PTPRD: variants seen among roughly 807,000 people sequenced by gnomAD.
The protein encoded by PTPRD is receptor-type tyrosine-protein phosphatase delta.
PTPRD carries 34 observed loss-of-function variants against 214.5 expected under a neutral mutation model. That is an observed-to-expected ratio of 0.16 (90% CI 0.12 to 0.21). The LOEUF (loss-of-function observed/expected upper bound fraction) is 0.21. Ranked by LOEUF, PTPRD falls within the 10% of genes least tolerant of loss-of-function variation. The pLI is 1.00. For missense variants in PTPRD, 2,545 were observed against 2,398.7 expected (o/e 1.06, Z -1.27); for synonymous variants, 1,128 against 845.7 (o/e 1.33, Z -5.79).
At chr9:10,173,583 C>T (rs1242337451) in intron 3 of PTPRD, among the ~76,000 whole-genome samples, 1 of 152,066 alleles carries the variant, frequency 6.6e-6, no homozygotes, top group Non-Finnish European at 1.5e-5. Context: ...TTTATCTTAC[C>T]ATTTCCAAAT....
At chr9:9,678,490 T>C (rs2096984790) in intron 7 of PTPRD, among the ~76,000 whole-genome samples, 1 of 151,982 alleles carries the variant, frequency 6.6e-6, no homozygotes, top group African/African-American at 2.4e-5. Context: ...GTTTATGTAA[T>C]TTTTAAGAGC....
In PTPRD at chr9:8,500,892, C is replaced by G. The variant is rs184665510; in HGVS notation, c.1990G>C (p.Gly664Arg). The G allele has an allele frequency of 2.5e-6, 4 of 1,614,068 alleles. No homozygotes were observed. Among genetic ancestry groups the G allele is most frequent in the Non-Finnish European group, 3.4e-6 (4 of 1,179,994 alleles). Residue 664 changes from glycine (G) to arginine (R), a missense_variant, in exon 24 of 46, where the codon GGA becomes CGA. Coordinates refer to ENST00000381196, the MANE Select transcript of PTPRD (RefSeq NM_002839.4). Reference protein sequence around the residue: ...GEDDKPHEILGIPSDTTKYLL... With the variant: ...GEDDKPHEILRIPSDTTKYLL... ...TATTTGGTAGTGTCCGAAGGAATTC[C>G]CAAAATCTCGTGAGGCTTGTCATCT... is the stretch of plus-strand genomic sequence containing the variant.
intron 7 of PTPRD, among the ~76,000 whole-genome samples, chr9:9,587,291 G>A (rs569340091): frequency 3.9e-5 from 6 of 151,920 alleles, no homozygotes; most frequent in Non-Finnish European, 8.8e-5. Flanking sequence ...CACATTACAT[G>A]TGTTTTAGGG....
chr9:9,461,110 G>A (rs1205033413), intron 8 of PTPRD, among the ~76,000 whole-genome samples: 2 of 151,876 alleles, frequency 1.3e-5, no homozygotes, highest in Admixed American at 6.6e-5. Flanking sequence ...ATAAGTGGGA[G>A]CTAAACAATG....
At chr9:9,318,226 A>C (rs1166348840) in intron 9 of PTPRD, among the ~76,000 whole-genome samples, 1 of 146,060 alleles carries the variant, frequency 6.8e-6, no homozygotes, top group Non-Finnish European at 1.5e-5. Context: ...CAAAAAACCA[A>C]AAAAAAAAAA....
chr9:9,390,694 G>A (rs868838801), intron 9 of PTPRD, among the ~76,000 whole-genome samples: 3 of 152,176 alleles, frequency 2.0e-5, no homozygotes, highest in Non-Finnish European at 2.9e-5. Context: ...ATGATCAACT[G>A]AAGCAGACTT....
intron 30 of PTPRD, among the ~76,000 whole-genome samples, chr9:8,476,196 T>G (rs2135322058): frequency 6.6e-6 from 1 of 152,266 alleles, no homozygotes; most frequent in Non-Finnish European, 1.5e-5. Context: ...GGGATGGTTT[T>G]GAGATGAAAC....
intron 9 of PTPRD, among the ~76,000 whole-genome samples, chr9:9,229,087 T>C (rs533113331): frequency 6.6e-6 from 1 of 152,284 alleles, no homozygotes; most frequent in Non-Finnish European, 1.5e-5. Context: ...CCTTTTTGTT[T>C]CCCTGTAACA....
chr9:9,770,540 C>G (rs933219008), intron 5 of PTPRD, among the ~76,000 whole-genome samples: 1 of 152,046 alleles, frequency 6.6e-6, no homozygotes, highest in African/African-American at 2.4e-5. Flanking sequence ...TTTTTTGTCA[C>G]CATTTAATGT....
At chr9:9,653,624 G>A (rs1466747177) in intron 7 of PTPRD, among the ~76,000 whole-genome samples, 4 of 152,216 alleles carry the variant, frequency 2.6e-5, no homozygotes, top group South Asian at 2.1e-4. Flanking sequence ...TGAACAGCAT[G>A]AGGTCCTGTA....
chr9:9,641,407 T>C (rs980396259), intron 7 of PTPRD, among the ~76,000 whole-genome samples: 6 of 152,096 alleles, frequency 3.9e-5, no homozygotes, highest in Non-Finnish European at 8.8e-5. Flanking sequence ...TTTCTTCAAA[T>C]AAGATGATGA....
chr9:8,548,603 A>T (rs1182543971), intron 14 of PTPRD, among the ~76,000 whole-genome samples: 3 of 149,756 alleles, frequency 2.0e-5, no homozygotes, highest in Non-Finnish European at 4.4e-5. Context: ...CCTGACCTCA[A>T]GTGATCCACT....
At chr9:10,445,402 G>A (rs1273739087) in intron 2 of PTPRD, among the ~76,000 whole-genome samples, 1 of 151,920 alleles carries the variant, frequency 6.6e-6, no homozygotes, top group Non-Finnish European at 1.5e-5. Flanking sequence ...GGACATGTCT[G>A]CAATAGGAGC....
intron 39 of PTPRD, among the ~76,000 whole-genome samples, chr9:8,373,860 GTC>G (rs746235283): frequency 0.057 from 4,184 of 72,806 alleles, 111 homozygotes; most frequent in Admixed American, 0.076. Flanking sequence ...GTATGTGTCT[GTC>G]TGTCTATCTA....
intron 9 of PTPRD, among the ~76,000 whole-genome samples, chr9:9,396,428 A>G (rs10977725): frequency 0.079 from 12,044 of 152,128 alleles, 661 homozygotes; most frequent in Non-Finnish European, 0.12. Context: ...TCATAGACAT[A>G]TTAAGGTTTG....
intron 10 of PTPRD, among the ~76,000 whole-genome samples, chr9:9,166,973 TTAAG>T (rs751412425): frequency 5.3e-5 from 8 of 151,924 alleles, no homozygotes; most frequent in Non-Finnish European, 1.2e-4. Flanking sequence ...CTTAGCTGAG[TTAAG>T]TAAGTATTAA....
intron 8 of PTPRD, among the ~76,000 whole-genome samples, chr9:9,524,321 G>T (rs962989603): frequency 1.3e-5 from 2 of 151,826 alleles, no homozygotes; most frequent in African/African-American, 4.8e-5. Context: ...TTTTGCTTCA[G>T]TCTCAAAAAT....
chr9:10,611,062 T>C (rs973391462), intron 2 of PTPRD, among the ~76,000 whole-genome samples: 4 of 152,314 alleles, frequency 2.6e-5, no homozygotes, highest in East Asian at 1.9e-4. Flanking sequence ...AGCTGCTTTA[T>C]TGAAAGAAAT....
chr9:9,412,149 T>C (rs1244628354), intron 8 of PTPRD, among the ~76,000 whole-genome samples: 1 of 152,220 alleles, frequency 6.6e-6, no homozygotes, highest in East Asian at 1.9e-4. Context: ...TTTCTTTTCT[T>C]TTCTTTTTTT....
Sources: gnomAD v4.1 joint callset for allele counts (sites outside exome capture counted in the v4.1 genomes callset) on GRCh38, gnomAD v4.1.1 for gene constraint, MANE v1.5 for transcripts, NCBI Gene and HGNC (gene_info 2026-07-23, HGNC 2026-07-21) for gene names.